Variants in KCNN3 observed in about 807,000 individuals in gnomAD.
KCNN3 encodes small conductance calcium-activated potassium channel protein 3.
Under a neutral mutation model 62.9 loss-of-function variants are expected in KCNN3, and 16 were observed. The ratio of observed to expected loss-of-function variants is 0.25; its 90% CI spans 0.17 to 0.39. KCNN3 has a LOEUF of 0.39. KCNN3 is among the 10% of genes least tolerant of loss of function. The pLI is 1.00. For missense variants in KCNN3, 599 were observed against 949.4 expected (o/e 0.63, Z 4.85); for synonymous variants, 370 against 389.2 (o/e 0.95, Z 0.58).
intron 2 of KCNN3, among the ~76,000 whole-genome samples, chr1:154,773,870 G>C (rs1204328567): frequency 6.6e-6 from 1 of 152,204 alleles, no homozygotes; most frequent in African/African-American, 2.4e-5. Context: ...ACTCACAAGG[G>C]CTGGCACAGA....
intron 7 of KCNN3, among the ~76,000 whole-genome samples, chr1:154,711,259 C>T (rs1353107284): frequency 8.3e-5 from 12 of 145,192 alleles, no homozygotes; most frequent in African/African-American, 2.6e-4. Context: ...AACCAAACAC[C>T]GCATGTTCTC....
At chr1:154,844,294 G>A (rs1445041577) in intron 1 of KCNN3, among the ~76,000 whole-genome samples, 2 of 152,244 alleles carry the variant, frequency 1.3e-5, no homozygotes, top group South Asian at 2.1e-4. Context: ...TGGAGAGTAA[G>A]AGACAAGGTT....
chr1:154,784,527 G>A (rs1466910155), intron 2 of KCNN3, among the ~76,000 whole-genome samples: 2 of 152,218 alleles, frequency 1.3e-5, no homozygotes, highest in Non-Finnish European at 2.9e-5. Flanking sequence ...ACAGGCCTAA[G>A]CTGGTCCCTT....
In KCNN3 at chr1:154,862,806, G is replaced by A. The variant is rs748342852; in HGVS notation, c.933+6226C>T. ...CCATCAAGCCCTTCCTGCCCAGCTC[G>A]TGGTAAAGTTCCTCCTGTTCCAACA... On this transcript the variant is annotated intron_variant, in intron 1 of 7. Transcript: ENST00000271915. This position sits in a 1 kb window ranked among gnomAD's most constrained non-coding sequence, Gnocchi z 4.1. Among the ~76,000 whole-genome samples, 11 of 152,094 alleles carry A rather than the reference G, an allele frequency of 7.2e-5. No homozygotes were observed. The highest frequency in any genetic ancestry group is 1.3e-4 in the Admixed American group (2 of 15,274).
chr1:154,840,497 C>T (rs1484765014), intron 1 of KCNN3, among the ~76,000 whole-genome samples: 1 of 152,202 alleles, frequency 6.6e-6, no homozygotes, highest in African/African-American at 2.4e-5. Context: ...ATCTCACAAG[C>T]CGCTTCTCAC....
intron 3 of KCNN3, among the ~76,000 whole-genome samples, chr1:154,765,567 A>G (rs910613651): frequency 2.0e-5 from 3 of 151,704 alleles, no homozygotes; most frequent in Non-Finnish European, 4.4e-5. Flanking sequence ...CTTCTCTATC[A>G]TAAGGATCAT....
At chr1:154,861,347 T>A (rs2101934432) in intron 1 of KCNN3, among the ~76,000 whole-genome samples, 1 of 152,134 alleles carries the variant, frequency 6.6e-6, no homozygotes, top group East Asian at 1.9e-4. Flanking sequence ...GCCCTGGTGG[T>A]TACTGATGCT....
chr1:154,731,797 C>T (rs1700599690), intron 4 of KCNN3, among the ~76,000 whole-genome samples: 1 of 152,202 alleles, frequency 6.6e-6, no homozygotes, highest in African/African-American at 2.4e-5. Flanking sequence ...CCCAGAGCCA[C>T]ACCACAAGCA....
At chr1:154,822,279 C>T in intron 1 of KCNN3, 95 bp from the exon 2 acceptor site, 5 of 910,826 alleles carry the variant, frequency 5.5e-6, no homozygotes, top group Non-Finnish European at 9.0e-6. Context: ...GGTGGGGACA[C>T]AGGAGGGACT....
At chr1:154,797,134 C>G (rs1268835942) in intron 2 of KCNN3, among the ~76,000 whole-genome samples, 2 of 152,200 alleles carry the variant, frequency 1.3e-5, no homozygotes, top group Non-Finnish European at 2.9e-5. Flanking sequence ...TCGTCCCTCC[C>G]CCTAGAACAG....
At chr1:154,711,711 A>G (rs961158832) in intron 7 of KCNN3, among the ~76,000 whole-genome samples, 1 of 152,122 alleles carries the variant, frequency 6.6e-6, no homozygotes, top group Non-Finnish European at 1.5e-5. Flanking sequence ...GCCAATGCTG[A>G]TTGGTCCCAG....
intron 2 of KCNN3, among the ~76,000 whole-genome samples, chr1:154,808,556 C>T (rs916377320): frequency 3.3e-5 from 5 of 152,204 alleles, no homozygotes; most frequent in African/African-American, 1.2e-4. Flanking sequence ...AGATCACAAG[C>T]CTGTTTAGGG....
intron 1 of KCNN3, among the ~76,000 whole-genome samples, chr1:154,858,042 C>T (rs1029905409): frequency 5.9e-5 from 9 of 152,210 alleles, no homozygotes; most frequent in Admixed American, 5.2e-4. Flanking sequence ...TTGCTCTCAG[C>T]TTGCATCAAT....
At chr1:154,868,975 T>A in intron 1 of KCNN3, 57 bp downstream of exon 1, 2 of 1,507,514 alleles carry the variant, frequency 1.3e-6, no homozygotes, top group East Asian at 2.3e-5. Flanking sequence ...TCAATCCCTC[T>A]CTTGCTACCT....
At chr1:154,835,121 C>T (rs1445403117) in intron 1 of KCNN3, among the ~76,000 whole-genome samples, 3 of 152,174 alleles carry the variant, frequency 2.0e-5, no homozygotes, top group Admixed American at 2.0e-4. Context: ...TCCTTTCTTC[C>T]TTCCAGGGTT....
At chr1:154,796,481 T>C (rs142823321) in intron 2 of KCNN3, among the ~76,000 whole-genome samples, 64 of 152,356 alleles carry the variant, frequency 4.2e-4, no homozygotes, top group African/African-American at 1.4e-3. Flanking sequence ...CGTACAGACA[T>C]GCTTTCATGC....
chr1:154,848,055 C>T (rs1652149960), intron 1 of KCNN3, among the ~76,000 whole-genome samples: 1 of 152,196 alleles, frequency 6.6e-6, no homozygotes, highest in African/African-American at 2.4e-5. Flanking sequence ...TCCTTTGGGC[C>T]TGGCCAGAAG....
intron 1 of KCNN3, among the ~76,000 whole-genome samples, chr1:154,858,736 C>CTTT (rs66459758): frequency 5.6e-5 from 8 of 141,832 alleles, no homozygotes; most frequent in South Asian, 4.5e-4. Flanking sequence ...AGTCATGTAA[C>CTTT]TTTTTTTTTT....
chr1:154,768,815 A>C (rs1383655451), intron 3 of KCNN3, among the ~76,000 whole-genome samples: 1 of 152,022 alleles, frequency 6.6e-6, no homozygotes, highest in Admixed American at 6.6e-5. Flanking sequence ...GGAGGCTAGT[A>C]TGATAACATG....
Sources: gnomAD v4.1 joint callset for allele counts (sites outside exome capture counted in the v4.1 genomes callset) on GRCh38, gnomAD v4.1.1 for gene constraint, Gnocchi (gnomAD v3.1) non-coding constraint, MANE v1.5 for transcripts, NCBI Gene and HGNC (gene_info 2026-07-23, HGNC 2026-07-21) for gene names.